KLHL1: variants seen among roughly 807,000 people sequenced by gnomAD.
The protein encoded by KLHL1 is kelch like family member 1, also known as kelch-like protein 1.
KLHL1 carries 47 observed loss-of-function variants against 77.7 expected under a neutral mutation model. The ratio of observed to expected loss-of-function variants is 0.60; its 90% CI spans 0.48 to 0.77. The LOEUF (loss-of-function observed/expected upper bound fraction) is 0.77, where lower values mean the gene tolerates loss of function less well. KLHL1 is among the 30% of genes least tolerant of loss of function. KLHL1 has a pLI of 0.00. For synonymous variants in KLHL1, 360 were observed against 325.2 expected (o/e 1.11, Z -1.15); for missense variants, 925 against 910.8 (o/e 1.02, Z -0.20).
chr13:69,997,889 G>A (rs2439674), intron 1 of KLHL1, among the ~76,000 whole-genome samples: 145,290 of 151,170 alleles, frequency 0.96, 70,193 homozygotes, highest in Non-Finnish European at 0.99. Flanking sequence ...TATCTTGACT[G>A]CTGAAAATAA....
chr13:69,793,495 T>G (rs1237161424), intron 7 of KLHL1, among the ~76,000 whole-genome samples: 1 of 2,188 alleles, frequency 4.6e-4, no homozygotes, highest in Non-Finnish European at 9.9e-4. Flanking sequence ...TAAAATCATG[T>G]AAGTTTTTTT....
At chr13:70,088,511 C>G (rs964168166) in intron 1 of KLHL1, among the ~76,000 whole-genome samples, 2 of 152,054 alleles carry the variant, frequency 1.3e-5, no homozygotes, top group Non-Finnish European at 2.9e-5. Flanking sequence ...AAGACTTCAA[C>G]TCTATAAAAT....
At chr13:70,006,072 A>C (rs1166539343) in intron 1 of KLHL1, among the ~76,000 whole-genome samples, 2 of 151,940 alleles carry the variant, frequency 1.3e-5, no homozygotes, top group Non-Finnish European at 2.9e-5. Context: ...TATGAGTTTG[A>C]CTATTTTAGA....
chr13:69,738,828 T>G (rs1438952942), intron 8 of KLHL1, among the ~76,000 whole-genome samples: 2 of 152,088 alleles, frequency 1.3e-5, no homozygotes, highest in Non-Finnish European at 2.9e-5. Flanking sequence ...AAAACGCACT[T>G]CAGGATATCA....
chr13:69,884,588 A>T (rs927039298), intron 4 of KLHL1, among the ~76,000 whole-genome samples: 6 of 152,172 alleles, frequency 3.9e-5, no homozygotes, highest in African/African-American at 1.4e-4. Context: ...GGGATGTCAT[A>T]AAAAACAGCT....
At chr13:69,951,388 A>T (rs1377345551) in intron 3 of KLHL1, among the ~76,000 whole-genome samples, 1 of 151,546 alleles carries the variant, frequency 6.6e-6, no homozygotes, top group Non-Finnish European at 1.5e-5. Context: ...AAAAGAAGGC[A>T]ACTTCTACTG....
chr13:69,812,186 G>T (rs1234018029), intron 6 of KLHL1, among the ~76,000 whole-genome samples: 1 of 152,120 alleles, frequency 6.6e-6, no homozygotes, highest in Non-Finnish European at 1.5e-5. Flanking sequence ...GTAGCAGGTT[G>T]TTCAGTTTCC....
chr13:69,956,879 C>G (rs551956606), intron 3 of KLHL1, among the ~76,000 whole-genome samples: 1 of 151,740 alleles, frequency 6.6e-6, no homozygotes, highest in East Asian at 1.9e-4. Context: ...TTTGCACATG[C>G]TTAGCATAGA....
chr13:69,826,545 A>C (rs1272643759), intron 6 of KLHL1, among the ~76,000 whole-genome samples: 1 of 152,050 alleles, frequency 6.6e-6, no homozygotes, highest in Non-Finnish European at 1.5e-5. Flanking sequence ...CTGCCGTTGC[A>C]CTCCAGCCTA....
intron 5 of KLHL1, among the ~76,000 whole-genome samples, chr13:69,877,385 C>T (rs971711351): frequency 2.6e-5 from 4 of 151,946 alleles, no homozygotes; most frequent in African/African-American, 4.8e-5. Context: ...TTTATAGCAA[C>T]ATGGTACTTT....
intron 7 of KLHL1, among the ~76,000 whole-genome samples, chr13:69,757,342 A>C (rs1434123027): frequency 6.6e-6 from 1 of 152,162 alleles, no homozygotes; most frequent in Non-Finnish European, 1.5e-5. Flanking sequence ...CATAATAATC[A>C]AAATTTTGAC....
intron 9 of KLHL1, among the ~76,000 whole-genome samples, chr13:69,715,613 A>G (rs1876087776): frequency 6.6e-6 from 1 of 151,480 alleles, no homozygotes. Context: ...GCAGTTCTTT[A>G]TAGCAATGTG....
chr13:69,758,351 C>T (rs563521725), intron 7 of KLHL1, among the ~76,000 whole-genome samples: 6 of 152,124 alleles, frequency 3.9e-5, no homozygotes, highest in African/African-American at 9.6e-5. Context: ...ATAAGATTTC[C>T]GTAAACCTTT....
intron 7 of KLHL1, among the ~76,000 whole-genome samples, chr13:69,777,879 A>C (rs1566239769): frequency 6.6e-6 from 1 of 152,098 alleles, no homozygotes; most frequent in East Asian, 1.9e-4. Context: ...TATTCTGAGT[A>C]TTATAGTGTG....
rs77293937 is a variant in KLHL1 at position 69,967,914 on chromosome 13, A to G, written c.681-6470T>C. On this transcript the variant is annotated intron_variant, in intron 2 of 10. Transcript: ENST00000377844. ...AAAAAAAAAAAAGAAATAAAAAAGA[A>G]TATTACACAAACTTAATTGACAGAG... Among the ~76,000 whole-genome samples the G allele has an allele frequency of 4.4e-3, 664 of 152,080 alleles. 6 individuals carry two copies. Among genetic ancestry groups the G allele is most frequent in the African/African-American group, 0.015 (640 of 41,490 alleles).
chr13:69,786,744 A>ATATC, intron 7 of KLHL1, among the ~76,000 whole-genome samples: 1 of 152,310 alleles, frequency 6.6e-6, no homozygotes, highest in South Asian at 2.1e-4. Flanking sequence ...ACATGATTGT[A>ATATC]TATCTAGAAA....
At chr13:69,744,750 T>TA (rs1874135981) in intron 7 of KLHL1, among the ~76,000 whole-genome samples, 1 of 151,852 alleles carries the variant, frequency 6.6e-6, no homozygotes, top group Admixed American at 6.6e-5. Context: ...TAATATAATT[T>TA]AAAAAATTAT....
At chr13:69,943,609 G>A (rs1449496982) in intron 3 of KLHL1, among the ~76,000 whole-genome samples, 1 of 151,876 alleles carries the variant, frequency 6.6e-6, no homozygotes, top group African/African-American at 2.4e-5. Flanking sequence ...TATTCTATAG[G>A]TTACAGAAAC....
At chr13:69,992,697 C>A (rs1261438712) in intron 1 of KLHL1, among the ~76,000 whole-genome samples, 1 of 151,918 alleles carries the variant, frequency 6.6e-6, no homozygotes, top group Non-Finnish European at 1.5e-5. Context: ...GGTAAAGAAA[C>A]CAGCTAAAGA....
Sources: gnomAD v4.1 joint callset for allele counts (sites outside exome capture counted in the v4.1 genomes callset) on GRCh38, gnomAD v4.1.1 for gene constraint, MANE v1.5 for transcripts, NCBI Gene and HGNC (gene_info 2026-07-23, HGNC 2026-07-21) for gene names.